EYS: variants seen among roughly 807,000 people sequenced by gnomAD.
The protein encoded by EYS is EGF-like photoreceptor maintenance factor, also known as protein eyes shut homolog.
Under a neutral mutation model 282.1 loss-of-function variants are expected in EYS, and 250 were observed. The ratio of observed to expected loss-of-function variants is 0.89; its 90% CI spans 0.80 to 0.98. The LOEUF is 0.98. Ranked by LOEUF, EYS falls within the 50% of genes least tolerant of loss-of-function variation. EYS has a pLI of 0.00. For synonymous variants in EYS, 1,355 were observed against 1,282.9 expected (o/e 1.06, Z -1.20); for missense variants, 4,016 against 3,709.0 (o/e 1.08, Z -2.15).
At chr6:65,418,541 A>G (rs1767329092) in intron 5 of EYS, among the ~76,000 whole-genome samples, 1 of 152,106 alleles carries the variant, frequency 6.6e-6, no homozygotes, top group Non-Finnish European at 1.5e-5. Context: ...TTATGCAGCC[A>G]TAAAAAGGAA....
At position 64,436,279 on chromosome 6, in the gene EYS, A is replaced by C. The variant is rs1385680663; in HGVS notation, c.5836-14T>G. The C allele has an allele frequency of 1.3e-6, 2 of 1,483,722 alleles. No homozygotes were observed. The highest frequency in any genetic ancestry group is 2.0e-5 in the Admixed American group (1 of 49,436). 91.9% of individuals were successfully genotyped at this position (1,483,722 alleles called of 1,614,324 possible). A position where few individuals can be genotyped will look rare whatever the true frequency, so the allele number is the denominator to read the frequency against. On this transcript the variant is annotated splice_polypyrimidine_tract_variant and intron_variant, in intron 27 of 42. Transcript: ENST00000503581. ...GTAAAAGTGGTACTGTTGGGGGAAA[A>C]AATTTTGTCCTCAAACAGTTTTTCA...
chr6:64,080,343 T>G (rs1334971687), intron 32 of EYS, among the ~76,000 whole-genome samples: 1 of 152,226 alleles, frequency 6.6e-6, no homozygotes, highest in East Asian at 1.9e-4. Flanking sequence ...GTCTTTTGGC[T>G]GCATAAATGT....
intron 5 of EYS, among the ~76,000 whole-genome samples, chr6:65,443,651 C>A (rs13205783): frequency 1.4e-5 from 2 of 147,328 alleles, no homozygotes; most frequent in East Asian, 2.1e-4. Flanking sequence ...ATATATGTGT[C>A]TATACACATA....
chr6:63,823,225 T>C (rs1396306873), intron 36 of EYS, among the ~76,000 whole-genome samples: 1 of 152,160 alleles, frequency 6.6e-6, no homozygotes, highest in East Asian at 1.9e-4. Context: ...GGTCCATAGT[T>C]TTATTTTCTT....
chr6:63,776,018 G>C (rs1363710695), intron 40 of EYS, among the ~76,000 whole-genome samples: 1 of 152,066 alleles, frequency 6.6e-6, no homozygotes, highest in Non-Finnish European at 1.5e-5. Flanking sequence ...ATTTTGATAA[G>C]AAAAATTTTT....
intron 22 of EYS, among the ~76,000 whole-genome samples, chr6:64,752,988 T>A (rs1446698108): frequency 6.6e-6 from 1 of 152,162 alleles, no homozygotes; most frequent in Middle Eastern, 3.2e-3. Flanking sequence ...ATGCATTTTG[T>A]ATACTGCTAA....
intron 2 of EYS, among the ~76,000 whole-genome samples, chr6:65,538,792 C>T (rs1768054059): frequency 1.3e-5 from 2 of 152,130 alleles, no homozygotes; most frequent in Non-Finnish European, 2.9e-5. Context: ...ATAAGCCTTA[C>T]AAACCCTACA....
chr6:64,675,330 A>G (rs2149899258), intron 22 of EYS, among the ~76,000 whole-genome samples: 1 of 152,126 alleles, frequency 6.6e-6, no homozygotes, highest in East Asian at 1.9e-4. Context: ...TTCTTAATAA[A>G]TGCAATAGCA....
chr6:65,457,123 GGTT>G (rs1764650359), intron 5 of EYS, among the ~76,000 whole-genome samples: 1 of 151,214 alleles, frequency 6.6e-6, no homozygotes, highest in Non-Finnish European at 1.5e-5. Context: ...GACTCTCCAA[GGTT>G]GTTTTCTCTC....
intron 22 of EYS, among the ~76,000 whole-genome samples, chr6:64,804,481 C>G (rs189695484): frequency 6.6e-6 from 1 of 152,216 alleles, no homozygotes; most frequent in African/African-American, 2.4e-5. Context: ...GTAATTATGC[C>G]AAACAAACTA....
intron 1 of EYS, among the ~76,000 whole-genome samples, chr6:65,688,564 C>G (rs1452968333): frequency 6.6e-6 from 1 of 151,550 alleles, no homozygotes; most frequent in Non-Finnish European, 1.5e-5. Flanking sequence ...CCAAAATTGA[C>G]AAATGGGATC....
At chr6:65,455,336 G>A (rs1764561120) in intron 5 of EYS, among the ~76,000 whole-genome samples, 1 of 151,852 alleles carries the variant, frequency 6.6e-6, no homozygotes, top group Admixed American at 6.6e-5. Context: ...ACTAATTTTT[G>A]TATGATGATT....
chr6:64,450,955 A>G (rs1271593006), intron 26 of EYS, among the ~76,000 whole-genome samples: 3 of 152,198 alleles, frequency 2.0e-5, no homozygotes, highest in Non-Finnish European at 1.5e-5. Flanking sequence ...GAACTGGAGA[A>G]GCAAGAGCAA....
At chr6:65,338,311 AAG>A (rs1770068081) in intron 10 of EYS, among the ~76,000 whole-genome samples, 1 of 148,608 alleles carries the variant, frequency 6.7e-6, no homozygotes, top group Non-Finnish European at 1.5e-5. Flanking sequence ...AAAAATTAGC[AAG>A]AGAGTAAATT....
intron 21 of EYS, among the ~76,000 whole-genome samples, chr6:64,818,183 A>G (rs939081534): frequency 3.3e-5 from 5 of 152,146 alleles, no homozygotes; most frequent in Non-Finnish European, 5.9e-5. Flanking sequence ...TTGAAAGAAA[A>G]ATATCTGCTT....
rs78303454 is a variant in EYS, at chr6:65,157,673, T to G, written c.2024-99946A>C. 9.9e-3 allele frequency among the ~76,000 whole-genome samples: 1,491 copies of G among 150,866 alleles called. 25 individuals are homozygous for G. The highest frequency in any genetic ancestry group is 0.034 in the African/African-American group (1,411 of 41,446). On this transcript the variant is annotated intron_variant, in intron 12 of 42. Coordinates refer to ENST00000503581, the MANE Select transcript of EYS (RefSeq NM_001142800.2). ...AAAATGCATGAAAATTATATAGTCA[T>G]GTAATTTCTTAAAATATTATATCTA... is the stretch of plus-strand genomic sequence containing the variant.
At chr6:65,597,588 T>C (rs1340882618) in intron 2 of EYS, among the ~76,000 whole-genome samples, 1 of 152,142 alleles carries the variant, frequency 6.6e-6, no homozygotes, top group African/African-American at 2.4e-5. Context: ...TAATGATTTA[T>C]TTCTCTTCAT....
At chr6:63,926,113 A>G (rs910124577) in intron 35 of EYS, among the ~76,000 whole-genome samples, 2 of 152,100 alleles carry the variant, frequency 1.3e-5, no homozygotes, top group Admixed American at 1.3e-4. Context: ...GGATCATCCT[A>G]TCAGCATGGG....
Position 65,496,200 on chromosome 6 carries a change from A to G in EYS, c.-332-207T>C, listed in dbSNP as rs143482156. 2.5e-3 allele frequency among the ~76,000 whole-genome samples: 373 copies of G among 152,192 alleles called. 2 individuals are homozygous for G. Among genetic ancestry groups the G allele is most frequent in the Admixed American group, 4.5e-3 (69 of 15,272 alleles). On this transcript the variant is annotated intron_variant, in intron 2 of 42. Transcript: ENST00000503581. ...CTGTAGGAATGGTGGAAGGTGCCAG[A>G]TAAAGAGGGAAAAGAAAGTCAAAAA... is the stretch of plus-strand genomic sequence containing the variant.
Sources: gnomAD v4.1 joint callset for allele counts (sites outside exome capture counted in the v4.1 genomes callset) on GRCh38, gnomAD v4.1.1 for gene constraint, MANE v1.5 for transcripts, NCBI Gene and HGNC (gene_info 2026-07-23, HGNC 2026-07-21) for gene names.